EML5: variants seen among roughly 807,000 people sequenced by gnomAD.
The protein encoded by EML5 is EMAP like 5, also known as echinoderm microtubule-associated protein-like 5.
EML5 carries 120 observed loss-of-function variants against 250.0 expected under a neutral mutation model. The ratio of observed to expected loss-of-function variants is 0.48; its 90% CI spans 0.41 to 0.56. The LOEUF (loss-of-function observed/expected upper bound fraction) is 0.56. Among genes scored for constraint, EML5 ranks in the 20% least tolerant of loss-of-function variants. The pLI is 0.00. For synonymous variants in EML5, 771 were observed against 806.5 expected (o/e 0.96, Z 0.75); for missense variants, 2,006 against 2,437.6 (o/e 0.82, Z 3.73).
intron 1 of EML5, among the ~76,000 whole-genome samples, chr14:88,764,030 C>T (rs1051466735): frequency 4.6e-5 from 7 of 152,284 alleles, no homozygotes; most frequent in Middle Eastern, 3.4e-3. Flanking sequence ...AATTATATAG[C>T]GAATTACACT....
intron 25 of EML5, among the ~76,000 whole-genome samples, chr14:88,658,792 CA>C (rs2091963477): frequency 6.6e-6 from 1 of 150,732 alleles, no homozygotes; most frequent in Non-Finnish European, 1.5e-5. Context: ...CTTAAATGTT[CA>C]AAGTAATAGT....
At chr14:88,729,678 C>T (rs567748787) in intron 7 of EML5, among the ~76,000 whole-genome samples, 1 of 151,758 alleles carries the variant, frequency 6.6e-6, no homozygotes, top group African/African-American at 2.4e-5. Context: ...TCGTGCCTCA[C>T]CCTCCTGAGT....
At position 88,740,450 on chromosome 14, in the gene EML5, G is replaced by C; in HGVS notation, c.648C>G (p.Leu216=). Residue 216 remains leucine (L), a synonymous_variant, in exon 5 of 44, where the codon CTC becomes CTG. Transcript: ENST00000554922. ...CTTTCCAAACATATATATCCCCATT[G>C]AGTGCACCAGAATATGTTAATTCAT... ...ARDELTYSGA[L]NGDIYVWKGI... The C allele has an allele frequency of 6.2e-7, 1 of 1,613,666 alleles. No homozygotes were observed. The highest frequency in any genetic ancestry group is 8.5e-7 in the Non-Finnish European group (1 of 1,179,782).
chr14:88,681,892 T>C lies in EML5; in HGVS notation c.3122A>G (p.Lys1041Arg). 1 of 1,598,352 alleles carries C rather than the reference T, an allele frequency of 6.3e-7. No individual in the cohort carries two copies. Among genetic ancestry groups the C allele is most frequent in the Non-Finnish European group, 8.5e-7 (1 of 1,173,418 alleles). Residue 1041 changes from lysine (K) to arginine (R), a missense_variant and splice_region_variant, in exon 21 of 44, where the codon AAG (lysine) becomes AGG (arginine). By Grantham distance (26) the Lys-to-Arg change is conservative (BLOSUM62 2). Coordinates refer to ENST00000554922, the MANE Select transcript of EML5 (RefSeq NM_183387.3). ...GTTCAAGTGTGAGAGCCTCTTACCC[T>C]TTTTCAGCTTCCGGACAGCCAACAT... ...HCMLAVRKLK[K>R]GGRCCCFSPD...
chr14:88,734,978 T>G (rs535790056), intron 7 of EML5, among the ~76,000 whole-genome samples: 12 of 152,292 alleles, frequency 7.9e-5, no homozygotes, highest in Middle Eastern at 3.4e-3. Context: ...AATCAGGAAT[T>G]TCTATACTAG....
At chr14:88,622,398 A>G (rs2140328275) in intron 37 of EML5, 1 of 423,330 alleles carries the variant, frequency 2.4e-6, no homozygotes, top group South Asian at 7.7e-5. Context: ...TACATACAGT[A>G]TTTAGACAGA....
intron 37 of EML5, chr14:88,621,925 G>A: frequency 2.2e-6 from 1 of 455,314 alleles, no homozygotes; most frequent in South Asian, 1.6e-5. Context: ...ATAAATACGT[G>A]ATTCTTAACT....
At chr14:88,694,056 A>G (rs1566646890) in intron 17 of EML5, among the ~76,000 whole-genome samples, 1 of 151,826 alleles carries the variant, frequency 6.6e-6, no homozygotes, top group Non-Finnish European at 1.5e-5. Context: ...TATAGGCATG[A>G]GTCACTGTGC....
At chr14:88,626,070 T>C (rs2094359075) in intron 35 of EML5, 1 of 152,164 alleles carries the variant, frequency 6.6e-6, no homozygotes, top group African/African-American at 2.4e-5. Context: ...CCTTCTTCCC[T>C]CGAAGTAGAG....
intron 20 of EML5, among the ~76,000 whole-genome samples, chr14:88,682,632 G>T (rs1473991820): frequency 6.6e-6 from 1 of 152,088 alleles, no homozygotes; most frequent in African/African-American, 2.4e-5. Context: ...CCAGCTCGCG[G>T]TCAGAGCACT....
Position 88,663,061 on chromosome 14 carries a change from T to G in EML5, c.3468A>C (p.Arg1156Ser). 6.4e-7 allele frequency: 1 copy of G among 1,553,756 alleles called. No individual in the cohort carries two copies. The highest frequency in any genetic ancestry group is 8.7e-7 in the Non-Finnish European group (1 of 1,147,846). Residue 1156 changes from arginine to serine, a missense_variant, in exon 24 of 44, where the codon AGA (arginine) becomes AGC (serine). By Grantham distance (110) the Arg-to-Ser change is moderately radical. This residue lies in a region of EML5 where 1,375 missense variants were observed against 1,590.3 expected (regional missense o/e 0.86). Coordinates refer to ENST00000554922, the MANE Select transcript of EML5 (RefSeq NM_183387.3). ...AKEQLFFEAP[R>S]GKKQTIPSVE... Reference sequence around the variant, plus strand: ...CGCTGGGGATGGTTTGTTTTTTCCCTCTGGGAGCTTCAAAGAATAATTGTT... The same window carrying G: ...CGCTGGGGATGGTTTGTTTTTTCCCGCTGGGAGCTTCAAAGAATAATTGTT...
chr14:88,618,285 C>T lies in EML5; in HGVS notation c.5585G>A (p.Gly1862Glu). ...YKRHVYEVPSGKHLMDHAAID... is the reference protein window; with the variant it reads ...YKRHVYEVPSEKHLMDHAAID... ...AGCGGCATGATCCATAAGATGTTTT[C>T]CTGAAGGCACTTCATAGACATGCCG... Residue 1862 changes from glycine to glutamate, a missense_variant, in exon 41 of 44, where the codon GGA (glycine) becomes GAA (glutamate). Gly to Glu is a moderately conservative substitution (Grantham distance 98). Transcript: ENST00000554922. The T allele has an allele frequency of 6.2e-7, 1 of 1,613,798 alleles. No individual in the cohort carries two copies.
chr14:88,734,992 G>C (rs2093816936), intron 7 of EML5, among the ~76,000 whole-genome samples: 1 of 152,098 alleles, frequency 6.6e-6, no homozygotes. Flanking sequence ...ATACTAGCTA[G>C]ATACAGAACA....
intron 40 of EML5, 80 bp downstream of exon 40, chr14:88,618,570 G>T: frequency 6.8e-7 from 1 of 1,478,334 alleles, no homozygotes; most frequent in East Asian, 2.4e-5. Flanking sequence ...CTGGAGCTCA[G>T]GAACTTTAAA....
intron 37 of EML5, 171 bp from the exon 38 acceptor site, chr14:88,621,472 C>T (rs2088922385): frequency 3.1e-6 from 2 of 654,326 alleles, no homozygotes; most frequent in South Asian, 1.9e-5. Context: ...TACAGGCACA[C>T]ATCTATCTGT....
chr14:88,688,616 T>G (rs2092891496), intron 17 of EML5, 143 bp from the exon 18 acceptor site: 1 of 801,282 alleles, frequency 1.2e-6, no homozygotes. Flanking sequence ...TACAGGTGTC[T>G]CAATCAGTGA....
At chr14:88,624,036 A>C (rs2089518163) in intron 36 of EML5, 1 of 152,154 alleles carries the variant, frequency 6.6e-6, no homozygotes, top group Non-Finnish European at 1.5e-5. Flanking sequence ...TCCTGTATTG[A>C]AATGTACTTC....
At chr14:88,639,683 T>G (rs2090949451) in intron 31 of EML5, among the ~76,000 whole-genome samples, 1 of 152,096 alleles carries the variant, frequency 6.6e-6, no homozygotes, top group African/African-American at 2.4e-5. Context: ...TTCAAGCAAT[T>G]CTCATGCCTC....
chr14:88,697,546 T>C (rs1297623947), intron 14 of EML5, among the ~76,000 whole-genome samples: 1 of 152,194 alleles, frequency 6.6e-6, no homozygotes, highest in Admixed American at 6.5e-5. Flanking sequence ...CTGTCACTTA[T>C]TTTTTAACTT....
Sources: gnomAD v4.1 joint callset for allele counts (sites outside exome capture counted in the v4.1 genomes callset) on GRCh38, gnomAD v4.1.1 for gene constraint, gnomAD v4.1.1 regional missense constraint, MANE v1.5 for transcripts, NCBI Gene and HGNC (gene_info 2026-07-23, HGNC 2026-07-21) for gene names.